Variants in HDAC9 observed in about 807,000 individuals in gnomAD.
The protein encoded by HDAC9 is MEF-2 interacting transcription repressor (MITR) protein.
HDAC9 carries 41 observed loss-of-function variants against 139.4 expected under a neutral mutation model. The observed-to-expected ratio is 0.29, with a 90% CI of 0.23 to 0.38. The LOEUF is 0.38. Among genes scored for constraint, HDAC9 ranks in the 10% least tolerant of loss-of-function variants. HDAC9 has a pLI of 1.00. For missense variants in HDAC9, 1,147 were observed against 1,297.0 expected, an observed-to-expected ratio of 0.88 and a Z score of 1.78; for synonymous variants, 517 against 476.2, an observed-to-expected ratio of 1.09 and a Z score of -1.12.
intron 1 of HDAC9, among the ~76,000 whole-genome samples, chr7:18,128,939 G>A (rs916480225): frequency 6.6e-6 from 1 of 151,814 alleles, no homozygotes; most frequent in Non-Finnish European, 1.5e-5. Context: ...AGGACTTTTA[G>A]GAGCTAGCTT....
At chr7:18,758,964 A>G (rs552943881) in intron 14 of HDAC9, among the ~76,000 whole-genome samples, 6 of 152,174 alleles carry the variant, frequency 3.9e-5, no homozygotes, top group Non-Finnish European at 5.9e-5. Context: ...AATAATAATA[A>G]TAAGAGCCAG....
intron 13 of HDAC9, among the ~76,000 whole-genome samples, chr7:18,735,764 T>C (rs2129137841): frequency 6.6e-6 from 1 of 152,358 alleles, no homozygotes; most frequent in South Asian, 2.1e-4. Context: ...TTTCCAATTC[T>C]GTGAAGAAAG....
intron 22 of HDAC9, among the ~76,000 whole-genome samples, chr7:18,910,748 T>C (rs1027812596): frequency 1.3e-5 from 2 of 151,944 alleles, no homozygotes; most frequent in African/African-American, 4.8e-5. Context: ...TGACGTGATG[T>C]ACCTTGATTA....
intron 2 of HDAC9, among the ~76,000 whole-genome samples, chr7:18,172,671 A>C (rs1271068294): frequency 6.6e-6 from 1 of 152,190 alleles, no homozygotes; most frequent in Non-Finnish European, 1.5e-5. Flanking sequence ...CACTGGTTTC[A>C]AAGAACATCT....
chr7:18,686,538 T>C (rs114762015), intron 12 of HDAC9, among the ~76,000 whole-genome samples: 2,655 of 152,086 alleles, frequency 0.017, 78 homozygotes, highest in African/African-American at 0.059. Flanking sequence ...TCCATTCTTA[T>C]ATTACATACT....
At chr7:18,761,667 C>T (rs903156202) in intron 14 of HDAC9, among the ~76,000 whole-genome samples, 3 of 152,134 alleles carry the variant, frequency 2.0e-5, no homozygotes, top group African/African-American at 4.8e-5. Flanking sequence ...TTAACTAATA[C>T]TACTGTGAGG....
At chr7:18,968,262 T>C (rs912721607) in intron 24 of HDAC9, among the ~76,000 whole-genome samples, 1 of 152,216 alleles carries the variant, frequency 6.6e-6, no homozygotes, top group Admixed American at 6.5e-5. Flanking sequence ...TGAACATCTA[T>C]AGTAATATTG....
intron 1 of HDAC9, among the ~76,000 whole-genome samples, chr7:18,106,445 C>A (rs1441434572): frequency 6.6e-6 from 1 of 152,038 alleles, no homozygotes; most frequent in African/African-American, 2.4e-5. Context: ...GTCTTATTAT[C>A]CATGCACACA....
rs574158567 is a variant in HDAC9, at chr7:18,324,571, C to G, written c.-42+34056C>G. On this transcript the variant is annotated intron_variant, in intron 1 of 3. Coordinates refer to the HDAC9 transcript ENST00000413509. ...CGGTTTTTCTTGGGTGCTGTATACC[C>G]TTGCTACTCACAATGTGGTCCTCAC... is the stretch of plus-strand genomic sequence containing the variant. Among the ~76,000 whole-genome samples the G allele has an allele frequency of 1.3e-3, 201 of 152,274 alleles. 2 individuals carry two copies. The highest frequency in any genetic ancestry group is 2.4e-3 in the Non-Finnish European group (164 of 68,026).
intron 17 of HDAC9, among the ~76,000 whole-genome samples, chr7:18,797,306 T>A (rs796268270): frequency 1.3e-5 from 2 of 152,314 alleles, no homozygotes; most frequent in South Asian, 2.1e-4. Context: ...GCTAAAACTA[T>A]CTATTTTAAG....
Position 18,477,233 on chromosome 7 carries a change from C to G in HDAC9, c.-41-19029C>G, listed in dbSNP as rs111788731. Reference sequence around the variant, plus strand: ...TCAACTATGACTAATCTGCAATCTACTATATATTTTCTAATTTGAGTTAGC... The same window carrying G: ...TCAACTATGACTAATCTGCAATCTAGTATATATTTTCTAATTTGAGTTAGC... On this transcript the variant is annotated intron_variant, in intron 1 of 3. Coordinates refer to the HDAC9 transcript ENST00000413509. 8.0e-3 allele frequency among the ~76,000 whole-genome samples: 1,225 copies of G among 152,238 alleles called. 17 individuals are homozygous for G. The highest frequency in any genetic ancestry group is 0.028 in the African/African-American group (1,162 of 41,520).
chr7:18,493,102 G>A (rs755256898), upstream of HDAC9, among the ~76,000 whole-genome samples: 1 of 151,734 alleles, frequency 6.6e-6, no homozygotes, highest in Admixed American at 6.6e-5. Flanking sequence ...TTAAGAACTA[G>A]GATAATTACT....
intron 1 of HDAC9, among the ~76,000 whole-genome samples, chr7:18,409,934 C>G (rs1447215324): frequency 6.6e-6 from 1 of 152,108 alleles, no homozygotes; most frequent in Non-Finnish European, 1.5e-5. Context: ...TATGAATTAG[C>G]TTTAACTAAG....
At chr7:18,785,780 T>C (rs1791663157) in intron 16 of HDAC9, among the ~76,000 whole-genome samples, 1 of 152,142 alleles carries the variant, frequency 6.6e-6, no homozygotes, top group Admixed American at 6.5e-5. Flanking sequence ...TAACAGCTCA[T>C]AGTTTTCTCA....
intron 1 of HDAC9, among the ~76,000 whole-genome samples, chr7:18,153,768 G>C (rs1237062859): frequency 6.6e-6 from 1 of 152,184 alleles, no homozygotes; most frequent in Non-Finnish European, 1.5e-5. Context: ...GTGCCAATGT[G>C]GGTCTTGGCT....
At position 18,873,921 on chromosome 7, in the gene HDAC9, T is replaced by G. The variant is rs1768762405; in HGVS notation, c.2685-557T>G. 2.6e-5 allele frequency among the ~76,000 whole-genome samples: 4 copies of G among 152,262 alleles called. No homozygotes were observed. In the South Asian group the frequency reaches 8.3e-4, roughly 32 times the overall value. ...GTCTGACTTTGGACTCACTTAACAT[T>G]GTAGTCTGGATTCTATTAAGGGAAC... On this transcript the variant is annotated intron_variant, in intron 21 of 25. Transcript: ENST00000686413.
chr7:18,975,825 A>C lies in HDAC9; in HGVS notation c.3042A>C (p.Val1014=), dbSNP rs1417578038. ...IEIQSKYWKS[V]RMVAVPRGCA... ...TCCTAGGCAAGTATTGGAAGTCAGTAAGGATGGTGGCTGTGCCAAGGGGCT... is the reference window on the plus strand; with the variant it reads ...TCCTAGGCAAGTATTGGAAGTCAGTCAGGATGGTGGCTGTGCCAAGGGGCT... Residue 1014 remains valine (V), a synonymous_variant, in exon 25 of 26, where the codon GTA becomes GTC. Coordinates refer to ENST00000686413, the MANE Select transcript of HDAC9 (RefSeq NM_178425.4). 6.2e-7 allele frequency: 1 copy of C among 1,613,834 alleles called. No individual in the cohort carries two copies. Among genetic ancestry groups the C allele is most frequent in the Non-Finnish European group, 8.5e-7 (1 of 1,179,788 alleles).
chr7:18,887,400 G>A (rs920429064), intron 22 of HDAC9, among the ~76,000 whole-genome samples: 11 of 152,088 alleles, frequency 7.2e-5, no homozygotes, highest in South Asian at 2.1e-4. Flanking sequence ...ATTTGGAATC[G>A]GTTGATCTGC....
intron 2 of HDAC9, among the ~76,000 whole-genome samples, chr7:18,215,466 C>G (rs1584678878): frequency 6.6e-6 from 1 of 152,144 alleles, no homozygotes; most frequent in Admixed American, 6.6e-5. Flanking sequence ...TGATCTTTGC[C>G]AAATGTATCC....
Sources: allele counts gnomAD v4.1 joint callset (sites outside exome capture counted in the v4.1 genomes callset), GRCh38; gene constraint gnomAD v4.1.1; transcripts MANE v1.5; gene names NCBI Gene and HGNC (gene_info 2026-07-23, HGNC 2026-07-21).